The following CPD variants were observed in gnomAD, a reference collection of about 807,000 sequenced individuals.
The protein encoded by CPD is carboxypeptidase D, also known as metallocarboxypeptidase D.
A neutral mutation model predicts 138.3 loss-of-function variants in CPD; 69 were observed. The observed-to-expected ratio is 0.50, with a 90% CI of 0.41 to 0.61. The LOEUF (loss-of-function observed/expected upper bound fraction) is 0.61. Ranked by LOEUF, CPD falls within the 20% of genes least tolerant of loss-of-function variation. The pLI is 0.00. For synonymous variants in CPD, 651 were observed against 642.1 expected (o/e 1.01, Z -0.21); for missense variants, 1,432 against 1,733.3 (o/e 0.83, Z 3.09).
At chr17:30,460,448 A>G (rs985198677) in intron 17 of CPD, among the ~76,000 whole-genome samples, 2 of 152,204 alleles carry the variant, frequency 1.3e-5, no homozygotes, top group African/African-American at 4.8e-5. Flanking sequence ...GGAATTATCT[A>G]GACAAAAAGT....
intron 17 of CPD, among the ~76,000 whole-genome samples, chr17:30,458,335 C>T (rs1021949809): frequency 2.6e-5 from 4 of 152,216 alleles, no homozygotes; most frequent in Non-Finnish European, 5.9e-5. Flanking sequence ...TCCTTTGATA[C>T]ATGAGTTTTT....
chr17:30,411,617 A>G (rs1360802003), intron 2 of CPD, among the ~76,000 whole-genome samples: 1 of 152,010 alleles, frequency 6.6e-6, no homozygotes, highest in Non-Finnish European at 1.5e-5. Context: ...TTGATCTTCA[A>G]CCACGATAGC....
chr17:30,393,225 G>C (rs1911405677), intron 2 of CPD, among the ~76,000 whole-genome samples: 1 of 152,214 alleles, frequency 6.6e-6, no homozygotes, highest in African/African-American at 2.4e-5. Flanking sequence ...CTGGAGGTCA[G>C]ACTGAGCAGT....
chr17:30,423,201 G>A (rs1912314176), intron 5 of CPD, among the ~76,000 whole-genome samples, 178 bp downstream of exon 5: 1 of 152,140 alleles, frequency 6.6e-6, no homozygotes, highest in Admixed American at 6.6e-5. Flanking sequence ...AGAAGAGAAG[G>A]AAATCCTTTT....
At chr17:30,416,686 T>G (rs1420074302) in intron 2 of CPD, among the ~76,000 whole-genome samples, 1 of 152,226 alleles carries the variant, frequency 6.6e-6, no homozygotes, top group Non-Finnish European at 1.5e-5. Context: ...CCCGCTGACT[T>G]TTACCAGGCT....
intron 2 of CPD, among the ~76,000 whole-genome samples, chr17:30,400,652 C>CTTTTTTTTTTTTTTTTTTTTTTTT (rs34301387): frequency 1.7e-5 from 1 of 57,578 alleles, no homozygotes; most frequent in African/African-American, 7.8e-5. Context: ...TGCCATCATT[C>CTTTTTTTTTTTTTTTTTTTTTTTT]TTTTTTTTTT....
intron 2 of CPD, among the ~76,000 whole-genome samples, chr17:30,400,415 G>A (rs144007319): frequency 3.3e-5 from 5 of 152,110 alleles, no homozygotes; most frequent in Admixed American, 3.3e-4. Flanking sequence ...ACTAGACAAT[G>A]TTATAATTTT....
intron 17 of CPD, among the ~76,000 whole-genome samples, chr17:30,460,414 A>G (rs1212200050): frequency 1.3e-5 from 2 of 152,184 alleles, no homozygotes; most frequent in African/African-American, 4.8e-5. Context: ...GAGGAAGGAG[A>G]GACTGGTACA....
In CPD at chr17:30,446,819, A is replaced by G. The variant is rs529395430; in HGVS notation, c.2873+799A>G. Among the ~76,000 whole-genome samples the G allele has an allele frequency of 3.8e-3, 573 of 152,318 alleles. 6 individuals carry two copies. Among genetic ancestry groups the G allele is most frequent in the African/African-American group, 0.013 (557 of 41,574 alleles). On this transcript the variant is annotated intron_variant, in intron 12 of 20. Transcript: ENST00000225719. The stretch of plus-strand genomic sequence containing the variant: ...AATGTAAAAGTGTTCCTATTTCTCC[A>G]CATCCTCTCCAGCACCTGTTGTTTC...
At chr17:30,433,726 G>A (rs931536321) in intron 8 of CPD, among the ~76,000 whole-genome samples, 2 of 152,164 alleles carry the variant, frequency 1.3e-5, no homozygotes, top group Non-Finnish European at 2.9e-5. Flanking sequence ...GTGATTCAGA[G>A]CCTTTATCCT....
At position 30,378,990 on chromosome 17, in the gene CPD, G is replaced by T. The variant is rs1005145874; in HGVS notation, c.10G>T (p.Gly4Cys). The T allele has an allele frequency of 1.3e-6, 2 of 1,537,238 alleles. No individual in the cohort carries two copies. The highest frequency in any genetic ancestry group is 1.4e-5 in the African/African-American group (1 of 69,628). MAS[G>C]RDERPPWRLG... Reference sequence around the variant, plus strand: ...GCGGCGCTGCTGGAAGATGGCGAGCGGCCGGGACGAGCGGCCGCCTTGGCG... The same window carrying T: ...GCGGCGCTGCTGGAAGATGGCGAGCTGCCGGGACGAGCGGCCGCCTTGGCG... The change falls in exon 1 of 21, where the codon GGC becomes TGC. Residue 4 changes from glycine to cysteine, a missense_variant. This residue lies in a region of CPD where 484 missense variants were observed against 477.2 expected (regional missense o/e 1.01). Transcript: ENST00000225719.
At position 30,379,110 on chromosome 17, in the gene CPD, A is replaced by G. The variant is rs1910968247; in HGVS notation, c.130A>G (p.Thr44Ala). ...GAAGGCGGAGGCGACTACCACAACT[A>G]CGAGCGCGGGCGCCGAGGCGGCCGA... ...IKKAEATTTT[T>A]SAGAEAAEGQ... Residue 44 changes from threonine (T) to alanine (A), a missense_variant, in exon 1 of 21, where the codon ACG becomes GCG. Physicochemically the swap from Thr to Ala is moderately conservative, Grantham distance 58 (BLOSUM62 0). This residue lies in a region of CPD where 484 missense variants were observed against 477.2 expected (regional missense o/e 1.01). Coordinates refer to ENST00000225719, the MANE Select transcript of CPD (RefSeq NM_001304.5). This position sits in a 1 kb window ranked among gnomAD's most constrained non-coding sequence, Gnocchi z 7.0. The G allele has an allele frequency of 6.5e-7, 1 of 1,530,466 alleles. No individual in the cohort carries two copies. The highest frequency in any genetic ancestry group is 8.8e-7 in the Non-Finnish European group (1 of 1,142,210). 94.8% of individuals were successfully genotyped at this position (1,530,466 alleles called of 1,614,324 possible).
intron 2 of CPD, among the ~76,000 whole-genome samples, chr17:30,408,281 G>C (rs565696617): frequency 6.6e-6 from 1 of 152,128 alleles, no homozygotes; most frequent in Non-Finnish European, 1.5e-5. Flanking sequence ...GATTGTCTTG[G>C]CTATGCAGGC....
rs780615417 is a variant in CPD at position 30,443,921 on chromosome 17, C to G, written c.2493C>G (p.Tyr831Ter). Residue 831 changes from tyrosine (Y) to a stop codon, truncating the protein, a stop_gained, in exon 11 of 21, where the codon TAC becomes TAG. Transcript: ENST00000225719. LOFTEE classifies it high-confidence loss of function. Reference protein sequence around the residue: ...HPVTTYKTGDYWRLLVPGTYK... With the variant: ...HPVTTYKTGD ...TGACTACTTACAAAACTGGAGATTA[C>G]TGGCGTCTCTTGGTTCCAGGAACTT... 1 of 1,613,948 alleles carries G rather than the reference C, an allele frequency of 6.2e-7. No homozygotes were observed. The highest frequency in any genetic ancestry group is 1.1e-5 in the South Asian group (1 of 91,080).
chr17:30,464,649 G>T lies in CPD; in HGVS notation c.3978G>T (p.Lys1326Asn). ...ACIIWCICSIKSNRHKDGFHR... is the reference protein window; with the variant it reads ...ACIIWCICSINSNRHKDGFHR... Reference sequence around the variant, plus strand: ...TTATTTGGTGCATCTGCTCAATCAAGTCTAATAGACACAAGGATGGCTTTC... The same window carrying T: ...TTATTTGGTGCATCTGCTCAATCAATTCTAATAGACACAAGGATGGCTTTC... The change falls in exon 21 of 21, where the codon AAG (lysine) becomes AAT (asparagine). Residue 1326 changes from lysine (K) to asparagine (N), a missense_variant. By Grantham distance (94) the Lys-to-Asn change is moderately conservative (BLOSUM62 0). Transcript: ENST00000225719. 1 of 1,613,934 alleles carries T rather than the reference G, an allele frequency of 6.2e-7. No homozygotes were observed. Among genetic ancestry groups the T allele is most frequent in the Non-Finnish European group, 8.5e-7 (1 of 1,179,910 alleles).
chr17:30,405,712 G>A (rs1228015436), intron 2 of CPD, among the ~76,000 whole-genome samples: 3 of 151,984 alleles, frequency 2.0e-5, no homozygotes, highest in African/African-American at 7.2e-5. Flanking sequence ...TAGTAATATG[G>A]CAATGCAGGT....
At position 30,446,014 on chromosome 17, in the gene CPD, T is replaced by G; in HGVS notation, c.2867T>G (p.Leu956Arg). The change falls in exon 12 of 21, where the codon CTT becomes CGT. Residue 956 changes from leucine to arginine, a missense_variant. By Grantham distance (102) the Leu-to-Arg change is moderately radical. Transcript: ENST00000225719. ...LVMNYPHITN[L>R]TNLGQSTEYR... Reference sequence around the variant, plus strand: ...ATGAACTATCCACATATTACAAATCTTACCAAGTAAGTGTCACTTTCTATT... The same window carrying G: ...ATGAACTATCCACATATTACAAATCGTACCAAGTAAGTGTCACTTTCTATT... 1 of 1,584,310 alleles carries G rather than the reference T, an allele frequency of 6.3e-7. No individual in the cohort carries two copies. The highest frequency in any genetic ancestry group is 8.6e-7 in the Non-Finnish European group (1 of 1,166,356).
chr17:30,386,037 A>G (rs1042093320), intron 2 of CPD, among the ~76,000 whole-genome samples: 6 of 151,918 alleles, frequency 3.9e-5, no homozygotes, highest in African/African-American at 1.5e-4. Context: ...TAAAATGTAT[A>G]TATTTTTTAA....
chr17:30,459,393 C>T (rs370811712), intron 17 of CPD, among the ~76,000 whole-genome samples: 44 of 149,870 alleles, frequency 2.9e-4, no homozygotes, highest in African/African-American at 8.6e-4. Flanking sequence ...CCACAACAGG[C>T]CCTGGTGTGT....
Sources: gnomAD v4.1 joint callset for allele counts (sites outside exome capture counted in the v4.1 genomes callset) on GRCh38, gnomAD v4.1.1 for gene constraint, gnomAD v4.1.1 regional missense constraint, Gnocchi (gnomAD v3.1) non-coding constraint, MANE v1.5 for transcripts, NCBI Gene and HGNC (gene_info 2026-07-23, HGNC 2026-07-21) for gene names.